CCDC171: variants seen among roughly 807,000 people sequenced by gnomAD.
CCDC171 encodes the protein coiled-coil domain containing 171, also known as coiled-coil domain-containing protein 171.
Under a neutral mutation model 168.2 loss-of-function variants are expected in CCDC171, and 177 were observed. The observed-to-expected ratio is 1.05, with a 90% CI of 0.93 to 1.19. CCDC171 has a LOEUF of 1.19. Ranked by LOEUF, CCDC171 falls within the 50% of genes most tolerant of loss-of-function variation. The probability of loss-of-function intolerance (pLI) is 0.00; values close to 1 mark genes in which losing one functional copy is unlikely to be tolerated. For missense variants in CCDC171, 1,991 were observed against 1,539.0 expected, an observed-to-expected ratio of 1.29 and a Z score of -4.91; for synonymous variants, 687 against 540.8, an observed-to-expected ratio of 1.27 and a Z score of -3.75.
At chr9:15,588,734 G>C (rs2041769516) in intron 4 of CCDC171, 2 of 146,132 alleles carry the variant, frequency 1.4e-5, no homozygotes, top group Admixed American at 7.5e-5. Context: ...ATGAGACGGA[G>C]TCTCACTCTG....
intron 25 of CCDC171, among the ~76,000 whole-genome samples, chr9:15,926,449 T>A (rs1191283464): frequency 6.6e-6 from 1 of 151,626 alleles, no homozygotes; most frequent in African/African-American, 2.4e-5. Flanking sequence ...TTCCAGCTTT[T>A]TACTTTATAA....
chr9:15,683,232 A>G (rs548412262), intron 10 of CCDC171, among the ~76,000 whole-genome samples: 2 of 151,964 alleles, frequency 1.3e-5, no homozygotes, highest in South Asian at 4.2e-4. Context: ...TCAAGTGTAT[A>G]TTTTTTCCCC....
intron 21 of CCDC171, among the ~76,000 whole-genome samples, chr9:15,830,971 T>A (rs1292372171): frequency 7.0e-6 from 1 of 143,792 alleles, no homozygotes; most frequent in African/African-American, 2.7e-5. Context: ...TATCTTAATT[T>A]TTTTTTTTTT....
At chr9:16,073,649 A>T in the CCDC171 span, among the ~76,000 whole-genome samples, 3 of 152,172 alleles carry the variant, frequency 2.0e-5, no homozygotes, top group African/African-American at 7.2e-5. Flanking sequence ...TAATTGAGAA[A>T]CCCATGTGCC....
chr9:16,108,882 A>G, the CCDC171 span, among the ~76,000 whole-genome samples: 10,487 of 152,282 alleles, frequency 0.069, 754 homozygotes, highest in African/African-American at 0.18. Flanking sequence ...ACGTGAGCCA[A>G]ATAAATATCT....
intron 24 of CCDC171, among the ~76,000 whole-genome samples, chr9:15,912,904 G>C (rs1214639671): frequency 6.6e-6 from 1 of 152,198 alleles, no homozygotes; most frequent in African/African-American, 2.4e-5. Flanking sequence ...GATCATGGTG[G>C]ATAAGCTTTT....
rs148627417 is a variant in CCDC171 at position 15,578,945 on chromosome 9, A to G, written c.274A>G (p.Arg92Gly). 8.4e-5 allele frequency: 136 copies of G among 1,614,084 alleles called. No homozygotes were observed. The African/African-American group carries it at 1.6e-3, about 19-fold the overall frequency. ...QSLEYDLAVA[R>G]KEAGLGRRAA... ...TCTGGAATATGACCTAGCTGTTGCTAGAAAGGAAGCTGGTCTTGGAAGACG... is the reference window on the plus strand; with the variant it reads ...TCTGGAATATGACCTAGCTGTTGCTGGAAAGGAAGCTGGTCTTGGAAGACG... Residue 92 changes from arginine to glycine, a missense_variant, in exon 4 of 26, where the codon AGA (arginine) becomes GGA (glycine). Coordinates refer to ENST00000380701, the MANE Select transcript of CCDC171 (RefSeq NM_173550.4).
At chr9:15,630,170 C>G (rs1054787464) in intron 7 of CCDC171, among the ~76,000 whole-genome samples, 1 of 152,114 alleles carries the variant, frequency 6.6e-6, no homozygotes, top group African/African-American at 2.4e-5. Context: ...CAAATTCACA[C>G]ATAACAATAT....
intron 25 of CCDC171, among the ~76,000 whole-genome samples, chr9:15,921,573 A>G (rs1825331218): frequency 6.6e-6 from 1 of 151,676 alleles, no homozygotes; most frequent in Admixed American, 6.6e-5. Context: ...TCCAGTTCTA[A>G]GAGCAGTCTG....
Position 15,821,916 on chromosome 9 carries a change from C to T in CCDC171, c.3268-24786C>T, listed in dbSNP as rs1383629999. Among the ~76,000 whole-genome samples the T allele has an allele frequency of 6.1e-5, 3 of 49,092 alleles. 1 individual carries two copies. Among genetic ancestry groups the T allele is most frequent in the Non-Finnish European group, 1.5e-4 (3 of 19,544 alleles). 32.2% of individuals were successfully genotyped at this position (49,092 alleles called of 152,430 possible). On this transcript the variant is annotated intron_variant, in intron 21 of 25. Transcript: ENST00000380701. ...AAAGAACAAAGCTGGAGGCATCACG[C>T]TACCTGACTTCAAACTATACAACAA...
rs187613202 is a variant in CCDC171, at chr9:15,816,302, T to C, written c.3268-30400T>C. On this transcript the variant is annotated intron_variant, in intron 21 of 25. Coordinates refer to ENST00000380701, the MANE Select transcript of CCDC171 (RefSeq NM_173550.4). ...TATAAACTTTTTTACAAACATTATA[T>C]TAGTTTTTTAAATTAAACCTGCTTA... Among the ~76,000 whole-genome samples, 22 of 117,928 alleles carry C rather than the reference T, an allele frequency of 1.9e-4. 6 individuals are homozygous for C. Among genetic ancestry groups the C allele is most frequent in the South Asian group, 1.4e-3 (5 of 3,646 alleles). The allele number at this position is 117,928 out of a possible 152,430, so 77.4% of individuals were successfully genotyped here.
intron 6 of CCDC171, among the ~76,000 whole-genome samples, chr9:15,611,362 G>A (rs978081826): frequency 6.6e-6 from 1 of 152,232 alleles, no homozygotes; most frequent in Admixed American, 6.5e-5. Context: ...AATGTCCGGT[G>A]ATTCTAGACT....
At chr9:15,969,443 A>G (rs970638264) in intron 25 of CCDC171, among the ~76,000 whole-genome samples, 2 of 152,184 alleles carry the variant, frequency 1.3e-5, no homozygotes, top group Non-Finnish European at 2.9e-5. Context: ...GCATATCACT[A>G]ATATTGACAA....
intron 6 of CCDC171, among the ~76,000 whole-genome samples, chr9:15,619,920 A>G (rs1310139749): frequency 2.0e-5 from 3 of 152,180 alleles, no homozygotes; most frequent in Non-Finnish European, 4.4e-5. Context: ...ATTATGCTAC[A>G]TATACTCTGC....
chr9:15,630,354 A>G (rs903453633), intron 7 of CCDC171, among the ~76,000 whole-genome samples: 2 of 152,176 alleles, frequency 1.3e-5, no homozygotes, highest in African/African-American at 2.4e-5. Flanking sequence ...ATGGAAAATA[A>G]AAAAAGGCAG....
intron 9 of CCDC171, among the ~76,000 whole-genome samples, chr9:15,668,248 G>C (rs1427076079): frequency 6.6e-6 from 1 of 152,164 alleles, no homozygotes. Context: ...TTGAAGAAGA[G>C]AGTCTTATAA....
intron 10 of CCDC171, among the ~76,000 whole-genome samples, chr9:15,692,762 C>T (rs534436338): frequency 1.3e-5 from 2 of 151,708 alleles, no homozygotes; most frequent in Admixed American, 1.3e-4. Flanking sequence ...CTCCTGACCT[C>T]GTGATCCACG....
intron 21 of CCDC171, among the ~76,000 whole-genome samples, chr9:15,811,116 C>G (rs980551870): frequency 6.6e-6 from 1 of 152,208 alleles, no homozygotes; most frequent in African/African-American, 2.4e-5. Flanking sequence ...CTGTAGCAGA[C>G]CTGTTGGGCT....
At chr9:15,922,208 CT>C in intron 25 of CCDC171, 1 of 366,234 alleles carries the variant, frequency 2.7e-6, no homozygotes, top group Non-Finnish European at 5.9e-6. Flanking sequence ...CTGATGTATC[CT>C]TTTAGGAGAA....
Sources: gnomAD v4.1 joint callset for allele counts (sites outside exome capture counted in the v4.1 genomes callset) on GRCh38, gnomAD v4.1.1 for gene constraint, MANE v1.5 for transcripts, NCBI Gene and HGNC (gene_info 2026-07-23, HGNC 2026-07-21) for gene names.